The following CLIP2 variants were observed in gnomAD, a reference collection of about 807,000 sequenced individuals.
The protein encoded by CLIP2 is CAP-Gly domain containing linker protein 2, also known as CAP-Gly domain-containing linker protein 2.
CLIP2 carries 41 observed loss-of-function variants against 111.7 expected under a neutral mutation model. That is an observed-to-expected ratio of 0.37 (90% confidence interval 0.29 to 0.48). The LOEUF is 0.48. Among genes scored for constraint, CLIP2 ranks in the 20% least tolerant of loss-of-function variants. CLIP2 has a pLI of 0.99. For missense variants in CLIP2, 1,160 were observed against 1,422.1 expected (o/e 0.82, Z 2.96); for synonymous variants, 660 against 644.2 (o/e 1.02, Z -0.37).
Position 74,303,828 on chromosome 7 carries a change from C to T in CLIP2, c.-67-13652C>T, listed in dbSNP as rs140656691. On this transcript the variant is annotated intron_variant, in intron 1 of 16. Transcript: ENST00000223398. ...TTGGGAAGCTGAGGCACAAGAATCGCTTGAACTCAGCAGGCGGAGGTTGCA... is the reference window on the plus strand; with the variant it reads ...TTGGGAAGCTGAGGCACAAGAATCGTTTGAACTCAGCAGGCGGAGGTTGCA... Among the ~76,000 whole-genome samples, 405 of 149,198 alleles carry T rather than the reference C, an allele frequency of 2.7e-3. 2 individuals carry two copies. The highest frequency in any genetic ancestry group is 9.5e-3 in the African/African-American group (388 of 40,646).
chr7:74,355,554 G>A (rs992430123), intron 4 of CLIP2, among the ~76,000 whole-genome samples: 1 of 152,120 alleles, frequency 6.6e-6, no homozygotes, highest in East Asian at 1.9e-4. Context: ...AGGCTGCAGT[G>A]AGCTATGATC....
At chr7:74,364,993 TTGTGTGTGTG>T (rs10600630) in intron 8 of CLIP2, 19,356 of 264,734 alleles carry the variant, frequency 0.073, 1,446 homozygotes, top group East Asian at 0.16. Context: ...CTGTTTTTTG[TTGTGTGTGTG>T]TGTGTGTGTG....
intron 8 of CLIP2, among the ~76,000 whole-genome samples, chr7:74,367,345 C>T (rs1790491175): frequency 6.6e-6 from 1 of 152,138 alleles, no homozygotes; most frequent in African/African-American, 2.4e-5. Flanking sequence ...CATCCACCAC[C>T]ATGCCCGGCT....
chr7:74,319,062 A>C (rs1788873432), intron 2 of CLIP2, among the ~76,000 whole-genome samples: 1 of 152,136 alleles, frequency 6.6e-6, no homozygotes, highest in African/African-American at 2.4e-5. Flanking sequence ...CAGCCTTGTG[A>C]AGGCCCAGGC....
intron 2 of CLIP2, among the ~76,000 whole-genome samples, chr7:74,326,453 T>A (rs1789109227): frequency 6.6e-6 from 1 of 152,152 alleles, no homozygotes; most frequent in Non-Finnish European, 1.5e-5. Flanking sequence ...ATTAGGTTGG[T>A]CACAACTGTC....
chr7:74,347,191 C>T (rs1789819538), intron 3 of CLIP2, among the ~76,000 whole-genome samples: 1 of 152,168 alleles, frequency 6.6e-6, no homozygotes, highest in Non-Finnish European at 1.5e-5. Flanking sequence ...ACTTGGTCTC[C>T]TGAGAGGATG....
intron 2 of CLIP2, among the ~76,000 whole-genome samples, chr7:74,337,593 C>T (rs201162541): frequency 3.4e-5 from 5 of 147,406 alleles, no homozygotes; most frequent in East Asian, 4.0e-4. Context: ...GCCATTGCTT[C>T]TTTTTTTTTT....
chr7:74,382,232 C>T (rs1169734332), intron 11 of CLIP2, among the ~76,000 whole-genome samples: 1 of 137,062 alleles, frequency 7.3e-6, no homozygotes, highest in Non-Finnish European at 1.6e-5. Context: ...TACAGGCATG[C>T]ACCACCACGC....
At chr7:74,304,080 A>ATT (rs112127357) in intron 1 of CLIP2, among the ~76,000 whole-genome samples, 24,054 of 146,664 alleles carry the variant, frequency 0.16, 4,177 homozygotes, top group African/African-American at 0.41. Flanking sequence ...TGCCTGGCTA[A>ATT]TTTTTTTTTT....
intron 11 of CLIP2, among the ~76,000 whole-genome samples, chr7:74,381,321 T>TG (rs1385990733): frequency 2.6e-5 from 4 of 152,210 alleles, no homozygotes; most frequent in Non-Finnish European, 5.9e-5. Flanking sequence ...CCCGAGTAGC[T>TG]GGGATTACAG....
At chr7:74,316,126 TGTG>T (rs1185389237) in intron 1 of CLIP2, among the ~76,000 whole-genome samples, 3 of 148,144 alleles carry the variant, frequency 2.0e-5, no homozygotes, top group South Asian at 2.2e-4. Flanking sequence ...AGTGAGAACA[TGTG>T]GTGTTTGGTT....
chr7:74,322,216 C>T (rs1372617419), intron 2 of CLIP2, among the ~76,000 whole-genome samples: 1 of 150,842 alleles, frequency 6.6e-6, no homozygotes, highest in Non-Finnish European at 1.5e-5. Flanking sequence ...GTCTCGAACT[C>T]CTGACCTCAA....
rs782313812 is a variant in CLIP2 at position 74,380,814 on chromosome 7, G to A, written c.2430G>A (p.Glu810=). ...AGGGGCTCTTTTTGCAGATGATTGAGTCGAATGACATTTCAGAGGAGACGA... is the reference window on the plus strand; with the variant it reads ...AGGGGCTCTTTTTGCAGATGATTGAATCGAATGACATTTCAGAGGAGACGA... ...LCSSQHTHMI[E]SNDISEETIR... Residue 810 remains glutamate, a synonymous_variant, in exon 11 of 17, where the codon GAG becomes GAA. Transcript: ENST00000223398. 1.9e-6 allele frequency: 3 copies of A among 1,607,672 alleles called. No individual in the cohort carries two copies. Among genetic ancestry groups the A allele is most frequent in the Admixed American group, 1.7e-5 (1 of 59,690 alleles).
Position 74,338,283 on chromosome 7 carries a change from C to T in CLIP2, c.122-165C>T, listed in dbSNP as rs1229996046. ...TTGGGAAGCCAAGGCGGGCGGATTTCTTGAGGTCAGGAGTTCGAGACCAGC... is the reference window on the plus strand; with the variant it reads ...TTGGGAAGCCAAGGCGGGCGGATTTTTTGAGGTCAGGAGTTCGAGACCAGC... On this transcript the variant is annotated intron_variant, in intron 2 of 16. Coordinates refer to ENST00000223398, the MANE Select transcript of CLIP2 (RefSeq NM_003388.5). This position sits in a 1 kb window ranked among gnomAD's most constrained non-coding sequence, Gnocchi z 4.3. Among the ~76,000 whole-genome samples the T allele has an allele frequency of 6.6e-6, 1 of 152,104 alleles. No individual in the cohort carries two copies. Among genetic ancestry groups the T allele is most frequent in the Non-Finnish European group, 1.5e-5 (1 of 68,024 alleles).
At chr7:74,349,469 TGTATATATATATATATATATATATATA>T (rs1789913718) in intron 3 of CLIP2, among the ~76,000 whole-genome samples, 1 of 55,550 alleles carries the variant, frequency 1.8e-5, no homozygotes, top group African/African-American at 6.8e-5. Flanking sequence ...TGTGTGTGTG[TGTATATATATATATATATATATATATA>T]TATATATATA....
At chr7:74,359,522 G>GT (rs1393281704) in intron 6 of CLIP2, among the ~76,000 whole-genome samples, 2 of 150,628 alleles carry the variant, frequency 1.3e-5, no homozygotes, top group African/African-American at 4.9e-5. Flanking sequence ...CCCAGCTAAT[G>GT]TTTTTTGTAT....
intron 9 of CLIP2, among the ~76,000 whole-genome samples, chr7:74,374,322 T>A (rs534613835): frequency 2.0e-5 from 3 of 152,338 alleles, no homozygotes; most frequent in African/African-American, 7.2e-5. Flanking sequence ...TACACACTCA[T>A]GTGCATGAAG....
At chr7:74,335,828 C>T (rs1241612522) in intron 2 of CLIP2, among the ~76,000 whole-genome samples, 4 of 151,526 alleles carry the variant, frequency 2.6e-5, no homozygotes, top group East Asian at 3.9e-4. Flanking sequence ...CTGCAACCTC[C>T]GACTTCCGGG....
intron 1 of CLIP2, among the ~76,000 whole-genome samples, chr7:74,305,891 A>G (rs1463741858): frequency 2.9e-5 from 2 of 67,804 alleles, no homozygotes; most frequent in African/African-American, 1.6e-4. Flanking sequence ...GTTCACCATC[A>G]TCCTCAGCTC....
Sources: allele counts gnomAD v4.1 joint callset (sites outside exome capture counted in the v4.1 genomes callset), GRCh38; gene constraint gnomAD v4.1.1; non-coding constraint Gnocchi (gnomAD v3.1); transcripts MANE v1.5; gene names NCBI Gene and HGNC (gene_info 2026-07-23, HGNC 2026-07-21).